The following MGMT variants were observed in gnomAD, a reference collection of about 807,000 sequenced individuals.
MGMT encodes the protein O-6-methylguanine-DNA methyltransferase.
Under a neutral mutation model 15.9 loss-of-function variants are expected in MGMT, and 14 were observed. That is an observed-to-expected ratio of 0.88 (90% CI 0.58 to 1.37). MGMT has a LOEUF of 1.37. Ranked by LOEUF, MGMT falls within the 40% of genes most tolerant of loss-of-function variation. The pLI, the probability that MGMT is intolerant of heterozygous loss-of-function variation, is 0.00. For synonymous variants in MGMT, 130 were observed against 118.2 expected (o/e 1.10, Z -0.65); for missense variants, 282 against 268.1 (o/e 1.05, Z -0.36).
chr10:129,574,926 G>T (rs1266745054), intron 2 of MGMT, among the ~76,000 whole-genome samples: 3 of 152,072 alleles, frequency 2.0e-5, no homozygotes, highest in Non-Finnish European at 2.9e-5. Flanking sequence ...TAAGAGGCAG[G>T]CTGTGGGCCC....
At chr10:129,471,882 G>T (rs1845235523) in intron 1 of MGMT, among the ~76,000 whole-genome samples, 1 of 152,174 alleles carries the variant, frequency 6.6e-6, no homozygotes, top group African/African-American at 2.4e-5. Context: ...CTGTGCATAT[G>T]GGTCTGAGTA....
chr10:129,515,297 C>T (rs895109748), intron 1 of MGMT, among the ~76,000 whole-genome samples: 1 of 152,234 alleles, frequency 6.6e-6, no homozygotes, highest in African/African-American at 2.4e-5. Flanking sequence ...CCCTGGGAGC[C>T]CACAGTCCAG....
chr10:129,509,838 C>G (rs1183629970), intron 1 of MGMT, among the ~76,000 whole-genome samples: 1 of 152,180 alleles, frequency 6.6e-6, no homozygotes, highest in Non-Finnish European at 1.5e-5. Flanking sequence ...GAGAAAGGTC[C>G]CGTAAATTGG....
At chr10:129,629,235 A>G (rs1267005553) in intron 2 of MGMT, among the ~76,000 whole-genome samples, 4 of 152,240 alleles carry the variant, frequency 2.6e-5, no homozygotes, top group Admixed American at 2.0e-4. Flanking sequence ...ATGCTTCTAT[A>G]TGAAACATGC....
chr10:129,624,347 G>A (rs1847122790), intron 2 of MGMT, among the ~76,000 whole-genome samples: 2 of 152,162 alleles, frequency 1.3e-5, no homozygotes, highest in African/African-American at 4.8e-5. Context: ...CAGATAGCAG[G>A]CACTGAAGTT....
chr10:129,572,170 T>A (rs1258848442), intron 2 of MGMT, among the ~76,000 whole-genome samples: 1 of 152,202 alleles, frequency 6.6e-6, no homozygotes, highest in Non-Finnish European at 1.5e-5. Context: ...ACGGCTTTGA[T>A]GTTACCTCCA....
intron 2 of MGMT, among the ~76,000 whole-genome samples, chr10:129,577,486 T>A (rs1846498484): frequency 1.3e-5 from 2 of 152,168 alleles, no homozygotes; most frequent in Admixed American, 1.3e-4. Context: ...TAGCCATATG[T>A]AGAAAGCTGA....
Position 129,555,224 on chromosome 10 carries a change from G to A in MGMT, c.125+18847G>A, listed in dbSNP as rs147288722. ...AGATGTCCCTGTCTTTGAGCCGGGA[G>A]CCCTCGCACTCCCAGGCTTGCTTCA... On this transcript the variant is annotated intron_variant, in intron 2 of 4. Coordinates refer to ENST00000651593, the MANE Select transcript of MGMT (RefSeq NM_002412.5). Among the ~76,000 whole-genome samples the A allele has an allele frequency of 2.4e-3, 358 of 152,290 alleles. 2 individuals carry two copies. Among genetic ancestry groups the A allele is most frequent in the African/African-American group, 8.3e-3 (343 of 41,562 alleles).
At chr10:129,621,632 G>A (rs753735853) in intron 2 of MGMT, among the ~76,000 whole-genome samples, 29 of 152,210 alleles carry the variant, frequency 1.9e-4, no homozygotes, top group Non-Finnish European at 3.5e-4. Flanking sequence ...GGAACAGGAA[G>A]GAGCGGAGGT....
chr10:129,614,815 A>G (rs530569113), intron 2 of MGMT, among the ~76,000 whole-genome samples: 14 of 151,652 alleles, frequency 9.2e-5, no homozygotes, highest in Non-Finnish European at 2.1e-4. Flanking sequence ...ATTTAAATTG[A>G]CACCAGACTT....
intron 2 of MGMT, among the ~76,000 whole-genome samples, chr10:129,606,250 G>A (rs1007940946): frequency 6.6e-6 from 1 of 152,208 alleles, no homozygotes; most frequent in Non-Finnish European, 1.5e-5. Flanking sequence ...AAATGCTGAC[G>A]TGAGCACATC....
At chr10:129,521,633 C>T (rs1845811906) in intron 1 of MGMT, among the ~76,000 whole-genome samples, 1 of 152,176 alleles carries the variant, frequency 6.6e-6, no homozygotes, top group South Asian at 2.1e-4. Context: ...AGGGTGTTTC[C>T]ACCTGGTACC....
intron 2 of MGMT, among the ~76,000 whole-genome samples, chr10:129,577,365 C>T (rs1362219162): frequency 6.6e-6 from 1 of 152,004 alleles, no homozygotes; most frequent in African/African-American, 2.4e-5. Context: ...AGAACAGAGC[C>T]CTCAGAAATA....
At chr10:129,761,187 G>C (rs1393378570) in intron 4 of MGMT, among the ~76,000 whole-genome samples, 2 of 152,152 alleles carry the variant, frequency 1.3e-5, no homozygotes, top group Non-Finnish European at 2.9e-5. Flanking sequence ...ATGGGGTTTT[G>C]GGGGTGCTCT....
chr10:129,524,006 A>G (rs1287070560), intron 1 of MGMT, among the ~76,000 whole-genome samples: 5 of 152,180 alleles, frequency 3.3e-5, no homozygotes, highest in East Asian at 1.9e-4. Flanking sequence ...CTTGATGGCA[A>G]GTGTCCATTG....
chr10:129,617,594 A>T (rs1847042385), intron 2 of MGMT, among the ~76,000 whole-genome samples: 1 of 151,842 alleles, frequency 6.6e-6, no homozygotes. Flanking sequence ...GGCATCTGTT[A>T]TTTTTTGACT....
chr10:129,589,903 G>A (rs935674644), intron 2 of MGMT, among the ~76,000 whole-genome samples: 4 of 152,236 alleles, frequency 2.6e-5, no homozygotes, highest in Admixed American at 6.5e-5. Flanking sequence ...GGCAGAGGAC[G>A]TGGGATCTGG....
intron 4 of MGMT, among the ~76,000 whole-genome samples, chr10:129,762,432 T>G (rs1488450109): frequency 6.6e-6 from 1 of 152,186 alleles, no homozygotes. Context: ...CATGCGGAGC[T>G]TTCCTCTATC....
At chr10:129,580,760 A>G (rs1236691778) in intron 2 of MGMT, among the ~76,000 whole-genome samples, 1 of 152,206 alleles carries the variant, frequency 6.6e-6, no homozygotes. Context: ...TGGATGCCCC[A>G]TAACCACAGA....
Sources: gnomAD v4.1 joint callset for allele counts (sites outside exome capture counted in the v4.1 genomes callset) on GRCh38, gnomAD v4.1.1 for gene constraint, MANE v1.5 for transcripts, NCBI Gene and HGNC (gene_info 2026-07-23, HGNC 2026-07-21) for gene names.